HDAC4: variants seen among roughly 807,000 people sequenced by gnomAD.
HDAC4 encodes the protein histone deacetylase A.
HDAC4 carries 16 observed loss-of-function variants against 135.1 expected under a neutral mutation model. That is an observed-to-expected ratio of 0.12 (90% CI 0.08 to 0.18). The LOEUF (loss-of-function observed/expected upper bound fraction) is 0.18, where lower values mean the gene tolerates loss of function less well. Among genes scored for constraint, HDAC4 ranks in the 10% least tolerant of loss-of-function variants. HDAC4 has a pLI of 1.00. For synonymous variants in HDAC4, 685 were observed against 653.4 expected (o/e 1.05, Z -0.74); for missense variants, 1,143 against 1,511.8 (o/e 0.76, Z 4.05).
chr2:239,313,835 T>C lies in HDAC4; in HGVS notation c.22+38843A>G, dbSNP rs540113688. On this transcript the variant is annotated intron_variant, in intron 2 of 26. Transcript: ENST00000543185. The surrounding 1 kb of genome is among the most constrained non-coding windows in gnomAD (Gnocchi z 5.1). ...AGACAGGAATTCAAGGCAGGGCAAA[T>C]AGAACATGAAAGCCAGCCTGGAGCC... 5.9e-5 allele frequency among the ~76,000 whole-genome samples: 9 copies of C among 151,860 alleles called. No homozygotes were observed. In the East Asian group the frequency reaches 7.8e-4, roughly 13 times the overall value.
intron 2 of HDAC4, among the ~76,000 whole-genome samples, chr2:239,329,998 A>G (rs999840156): frequency 2.0e-5 from 3 of 152,190 alleles, no homozygotes; most frequent in African/African-American, 7.2e-5. Flanking sequence ...GGGTGTGCAG[A>G]AAGCTGGAGA....
chr2:239,127,436 T>G (rs1006195495), intron 11 of HDAC4, among the ~76,000 whole-genome samples: 2 of 152,228 alleles, frequency 1.3e-5, no homozygotes, highest in African/African-American at 4.8e-5. Flanking sequence ...ATTTTTTCCT[T>G]CTGCATGCGT....
chr2:239,263,677 C>G (rs1474510111), intron 2 of HDAC4, among the ~76,000 whole-genome samples: 1 of 152,210 alleles, frequency 6.6e-6, no homozygotes, highest in Admixed American at 6.5e-5. Flanking sequence ...AGGGTCAGGA[C>G]AGTCAGGAAA....
chr2:239,382,732 T>C (rs1241403668), intron 1 of HDAC4, among the ~76,000 whole-genome samples: 1 of 151,508 alleles, frequency 6.6e-6, no homozygotes, highest in African/African-American at 2.4e-5. Context: ...TCTTTTTCTT[T>C]TTTTTTTTTT....
intron 3 of HDAC4, among the ~76,000 whole-genome samples, chr2:239,204,224 C>T (rs1272026464): frequency 6.6e-6 from 1 of 152,196 alleles, no homozygotes. Context: ...TCCCGGCGTC[C>T]CCATGCTGTG....
At position 239,095,133 on chromosome 2, in the gene HDAC4, G is replaced by A. The variant is rs556233357; in HGVS notation, c.2234-77C>T. On this transcript the variant is annotated intron_variant, in intron 16 of 26. Transcript: ENST00000543185. Reference sequence around the variant, plus strand: ...GCTCGACAGGCCCTGGGCGCACTCCGGGGTCTTCAGTGGCACTTGGGCATT... The same window carrying A: ...GCTCGACAGGCCCTGGGCGCACTCCAGGGTCTTCAGTGGCACTTGGGCATT... 2.1e-5 allele frequency: 31 copies of A among 1,499,880 alleles called. 1 individual carries two copies. In the East Asian group the frequency reaches 5.4e-4, roughly 26 times the overall value. 92.9% of individuals were successfully genotyped at this position (1,499,880 alleles called of 1,614,324 possible). A position where few individuals can be genotyped will look rare whatever the true frequency, so the allele number is the denominator to read the frequency against.
At chr2:239,066,586 G>T in intron 24 of HDAC4, 136 bp downstream of exon 24, 1 of 1,151,568 alleles carries the variant, frequency 8.7e-7, no homozygotes, top group Non-Finnish European at 1.3e-6. Context: ...GGGGGCAGGT[G>T]CAAGGCGGAG....
intron 11 of HDAC4, among the ~76,000 whole-genome samples, chr2:239,131,657 A>C (rs1286111482): frequency 6.6e-6 from 1 of 152,146 alleles, no homozygotes; most frequent in Non-Finnish European, 1.5e-5. Flanking sequence ...GGACTAGGGA[A>C]GAGAAACGAG....
intron 15 of HDAC4, among the ~76,000 whole-genome samples, chr2:239,105,072 T>C (rs547218640): frequency 3.9e-5 from 6 of 152,360 alleles, no homozygotes; most frequent in African/African-American, 1.4e-4. Flanking sequence ...CCTGAGAGGC[T>C]TTTCCAGAGC....
intron 1 of HDAC4, among the ~76,000 whole-genome samples, chr2:239,379,743 C>T (rs936871785): frequency 3.3e-5 from 5 of 152,186 alleles, no homozygotes; most frequent in Non-Finnish European, 7.4e-5. Context: ...AGCCCCCCAT[C>T]GGCTGCCGGG....
intron 2 of HDAC4, among the ~76,000 whole-genome samples, chr2:239,276,286 T>C (rs908369551): frequency 1.3e-5 from 2 of 151,998 alleles, no homozygotes; most frequent in African/African-American, 4.8e-5. Context: ...CTTGGAAGTG[T>C]TGAGGGGAGA....
At chr2:239,228,221 C>T (rs1310663476) in intron 3 of HDAC4, among the ~76,000 whole-genome samples, 1 of 152,116 alleles carries the variant, frequency 6.6e-6, no homozygotes, top group East Asian at 1.9e-4. Context: ...ACCAAGCAGC[C>T]CCGGGACACC....
At chr2:239,181,720 G>A (rs1316601879) in intron 4 of HDAC4, among the ~76,000 whole-genome samples, 1 of 152,188 alleles carries the variant, frequency 6.6e-6, no homozygotes, top group African/African-American at 2.4e-5. Context: ...CCTGCTTGCT[G>A]CCAGCGCACT....
chr2:239,158,269 A>C (rs1190896221), intron 6 of HDAC4, among the ~76,000 whole-genome samples: 1 of 152,194 alleles, frequency 6.6e-6, no homozygotes. Flanking sequence ...AAACTTCTTC[A>C]ACACCAGGTG....
intron 17 of HDAC4, among the ~76,000 whole-genome samples, chr2:239,090,482 G>C (rs2036407429): frequency 7.2e-6 from 1 of 138,818 alleles, no homozygotes; most frequent in Non-Finnish European, 1.5e-5. Context: ...GAGTTATTCA[G>C]CTTGAGTATC....
At position 239,068,618 on chromosome 2, in the gene HDAC4, C is replaced by A. The variant is rs750643839; in HGVS notation, c.2751-11G>T. The A allele has an allele frequency of 6.2e-7, 1 of 1,607,604 alleles. No individual in the cohort carries two copies. Among genetic ancestry groups the A allele is most frequent in the East Asian group, 2.2e-5 (1 of 44,850 alleles). ...GGCATGACCACCGTTCTGCAAAGGA[C>A]AGGAGAAGGCGTTACTGGGTCAGCT... is the stretch of plus-strand genomic sequence containing the variant. On this transcript the variant is annotated splice_polypyrimidine_tract_variant and intron_variant, in intron 22 of 26. Transcript: ENST00000543185. This position sits in a 1 kb window ranked among gnomAD's most constrained non-coding sequence, Gnocchi z 4.4.
In HDAC4 at chr2:239,108,186, G is replaced by A. The variant is rs1444132115; in HGVS notation, c.1979-3C>T. ...CATCAGCGTGTCATACACGAGGCCTGGGGCGGGGCAGAGGGGCCAAGATCA... is the reference window on the plus strand; with the variant it reads ...CATCAGCGTGTCATACACGAGGCCTAGGGCGGGGCAGAGGGGCCAAGATCA... On this transcript the variant is annotated splice_polypyrimidine_tract_variant and splice_region_variant and intron_variant, in intron 14 of 26. Coordinates refer to ENST00000543185, the MANE Select transcript of HDAC4 (RefSeq NM_001378414.1). 3.1e-6 allele frequency: 5 copies of A among 1,596,614 alleles called. No homozygotes were observed. The highest frequency in any genetic ancestry group is 4.3e-6 in the Non-Finnish European group (5 of 1,172,942).
At chr2:239,190,169 C>CCCGGG in intron 3 of HDAC4, 92 bp from the exon 4 acceptor site, 1 of 1,291,512 alleles carries the variant, frequency 7.7e-7, no homozygotes, top group Non-Finnish European at 1.0e-6. Context: ...GCCACCTTCA[C>CCCGGG]GGGGCGGGGG....
At chr2:239,078,546 C>T (rs552108605) in intron 22 of HDAC4, among the ~76,000 whole-genome samples, 2 of 152,216 alleles carry the variant, frequency 1.3e-5, no homozygotes, top group Non-Finnish European at 2.9e-5. Context: ...AAAAAAAACC[C>T]TGAAACAATT....
Sources: allele counts gnomAD v4.1 joint callset (sites outside exome capture counted in the v4.1 genomes callset), GRCh38; gene constraint gnomAD v4.1.1; non-coding constraint Gnocchi (gnomAD v3.1); transcripts MANE v1.5; gene names NCBI Gene and HGNC (gene_info 2026-07-23, HGNC 2026-07-21).